Variants in ABL2 observed in about 807,000 individuals in gnomAD.
The protein encoded by ABL2 is tyrosine-protein kinase ABL2.
A neutral mutation model predicts 107.7 loss-of-function variants in ABL2; 49 were observed. That is an observed-to-expected ratio of 0.45 (90% confidence interval 0.36 to 0.58). The LOEUF (loss-of-function observed/expected upper bound fraction) is 0.58. Among genes scored for constraint, ABL2 ranks in the 20% least tolerant of loss-of-function variants. The probability of loss-of-function intolerance (pLI) is 0.00; values close to 1 mark genes in which losing one functional copy is unlikely to be tolerated. For synonymous variants in ABL2, 549 were observed against 548.6 expected (o/e 1.00, Z -0.01); for missense variants, 1,245 against 1,457.0 (o/e 0.85, Z 2.37).
chr1:179,122,528 T>C (rs1258175302), intron 4 of ABL2, among the ~76,000 whole-genome samples: 2 of 152,038 alleles, frequency 1.3e-5, no homozygotes, highest in Non-Finnish European at 2.9e-5. Context: ...CTTCCTAAAT[T>C]AGTCTTGGGA....
chr1:179,186,486 C>T (rs1660693301), intron 1 of ABL2, among the ~76,000 whole-genome samples: 1 of 152,126 alleles, frequency 6.6e-6, no homozygotes, highest in East Asian at 1.9e-4. Flanking sequence ...TCAAGCGATT[C>T]TCCTTCCTCA....
chr1:179,167,534 G>A (rs972427788), intron 1 of ABL2, among the ~76,000 whole-genome samples: 3 of 152,222 alleles, frequency 2.0e-5, no homozygotes, highest in East Asian at 1.9e-4. Flanking sequence ...TAGAAACAAC[G>A]TATTTTACAT....
At chr1:179,157,808 G>C (rs540606303) in intron 1 of ABL2, among the ~76,000 whole-genome samples, 1 of 151,324 alleles carries the variant, frequency 6.6e-6, no homozygotes, top group South Asian at 2.1e-4. Context: ...GGCCTCAAGC[G>C]ATCCTCCTGC....
chr1:179,217,202 G>A (rs969516909), intron 1 of ABL2, among the ~76,000 whole-genome samples: 1 of 151,928 alleles, frequency 6.6e-6, no homozygotes, highest in African/African-American at 2.4e-5. Context: ...GCTGAAGCAG[G>A]AAAATCGCTT....
At position 179,131,234 on chromosome 1, in the gene ABL2, G is replaced by C. The variant is rs28914521; in HGVS notation, c.391+77C>G. The C allele has an allele frequency of 1.4e-3, 2,156 of 1,497,480 alleles. 29 individuals carry two copies. In the African/African-American group the frequency reaches 0.026, roughly 18 times the overall value. 92.8% of individuals were successfully genotyped at this position (1,497,480 alleles called of 1,614,324 possible). A position where few individuals can be genotyped will look rare whatever the true frequency, so the allele number is the denominator to read the frequency against. ...GCTGAGATTATAGGTGTGAGCCACT[G>C]TGCCTGGCCAGGCCCCTTTATCTCT... On this transcript the variant is annotated intron_variant, in intron 3 of 11. Transcript: ENST00000502732.
intron 1 of ABL2, 68 bp downstream of exon 1, chr1:179,229,173 A>AAC: frequency 1.8e-5 from 4 of 223,204 alleles, no homozygotes; most frequent in South Asian, 6.1e-5. Context: ...CCCGTCCGCC[A>AAC]CCCACCCCGC....
intron 1 of ABL2, among the ~76,000 whole-genome samples, chr1:179,217,670 A>C (rs545557110): frequency 2.0e-5 from 3 of 152,164 alleles, no homozygotes; most frequent in South Asian, 4.1e-4. Flanking sequence ...ACTAAGCCTA[A>C]AGATTAAGAC....
Position 179,103,730 on chromosome 1 carries a change from T to C in ABL2, c.*3988A>G. 1 of 228,652 alleles carries C rather than the reference T, an allele frequency of 4.4e-6. No individual in the cohort carries two copies. The highest frequency in any genetic ancestry group is 8.7e-6 in the Non-Finnish European group (1 of 114,862). The allele number at this position is 228,652 out of a possible 1,614,324, so 14.2% of individuals were successfully genotyped here. On this transcript the variant is annotated 3_prime_UTR_variant, in exon 12 of 12. Coordinates refer to ENST00000502732, the MANE Select transcript of ABL2 (RefSeq NM_007314.4). ...TGTGCAGCACCACACAGGCTGATTGTCGGTCTGAGCCACTTTTTTGCAGTG... is the reference window on the plus strand; with the variant it reads ...TGTGCAGCACCACACAGGCTGATTGCCGGTCTGAGCCACTTTTTTGCAGTG...
chr1:179,099,932 C>A lies in ABL2; in HGVS notation c.*7786G>T. ...GCCTGTTCACAGTCAACACACCAAC[C>A]ACGCCACTGCTGTTCATCCAAGGAA... is the stretch of plus-strand genomic sequence containing the variant. On this transcript the variant is annotated 3_prime_UTR_variant, in exon 12 of 12. Transcript: ENST00000502732. 1 of 232,628 alleles carries A rather than the reference C, an allele frequency of 4.3e-6. No individual in the cohort carries two copies. The highest frequency in any genetic ancestry group is 8.5e-6 in the Non-Finnish European group (1 of 117,658). 14.4% of individuals were successfully genotyped at this position (232,628 alleles called of 1,614,324 possible). A position where few individuals can be genotyped will look rare whatever the true frequency, so the allele number is the denominator to read the frequency against.
rs376060111 is a variant in ABL2 at position 179,187,028 on chromosome 1, G to A, written c.157+42213C>T. 4.6e-5 allele frequency among the ~76,000 whole-genome samples: 7 copies of A among 152,236 alleles called. No individual in the cohort carries two copies. The East Asian group carries it at 5.8e-4, about 13-fold the overall frequency. ...ATTACTGTTGTGAGCCACCACGCCC[G>A]GCCCCATTACCATTTATAGTGTACT... On this transcript the variant is annotated intron_variant, in intron 1 of 11. Coordinates refer to ENST00000502732, the MANE Select transcript of ABL2 (RefSeq NM_007314.4).
At chr1:179,209,158 T>C (rs909128883) in intron 1 of ABL2, among the ~76,000 whole-genome samples, 2 of 152,208 alleles carry the variant, frequency 1.3e-5, no homozygotes, top group Admixed American at 6.5e-5. Context: ...CATAGAAGAA[T>C]TATCTCATCT....
intron 1 of ABL2, among the ~76,000 whole-genome samples, chr1:179,143,755 G>C (rs1557952355): frequency 6.6e-6 from 1 of 152,210 alleles, no homozygotes; most frequent in Non-Finnish European, 1.5e-5. Context: ...GGAAGGCAGT[G>C]GCGCGATCTC....
At chr1:179,154,790 T>C (rs1294328766) in intron 1 of ABL2, among the ~76,000 whole-genome samples, 1 of 152,226 alleles carries the variant, frequency 6.6e-6, no homozygotes, top group African/African-American at 2.4e-5. Context: ...ATTATTTGCC[T>C]TCTTATTGAA....
intron 1 of ABL2, among the ~76,000 whole-genome samples, chr1:179,136,900 GAGTGAGAC>G (rs1657080036): frequency 7.2e-6 from 1 of 139,400 alleles, no homozygotes; most frequent in Admixed American, 7.4e-5. Context: ...GGTGACAACA[GAGTGAGAC>G]CCTGTCTCAA....
intron 1 of ABL2, among the ~76,000 whole-genome samples, chr1:179,213,326 G>C (rs1364093908): frequency 6.6e-6 from 1 of 150,978 alleles, no homozygotes; most frequent in Non-Finnish European, 1.5e-5. Context: ...TTTTATTTTT[G>C]TCTTTTTTTT....
chr1:179,192,125 A>G (rs1661060074), intron 1 of ABL2, among the ~76,000 whole-genome samples: 1 of 152,224 alleles, frequency 6.6e-6, no homozygotes, highest in African/African-American at 2.4e-5. Context: ...AGTCACGTAT[A>G]TAGCAGGGAC....
chr1:179,175,139 C>T (rs1271271989), intron 1 of ABL2, among the ~76,000 whole-genome samples: 1 of 152,018 alleles, frequency 6.6e-6, no homozygotes, highest in Non-Finnish European at 1.5e-5. Context: ...TTGCTTCATC[C>T]TCCCAAAGTA....
chr1:179,224,431 T>C (rs1458542420), intron 1 of ABL2, among the ~76,000 whole-genome samples: 2 of 151,860 alleles, frequency 1.3e-5, no homozygotes, highest in African/African-American at 4.8e-5. Context: ...CACACCTGGC[T>C]AATTTTTGTA....
At chr1:179,153,030 GA>G (rs1308345234) in intron 1 of ABL2, among the ~76,000 whole-genome samples, 1 of 151,910 alleles carries the variant, frequency 6.6e-6, no homozygotes, top group East Asian at 1.9e-4. Context: ...CACAAATTCA[GA>G]AGTAATAAAC....
Sources: gnomAD v4.1 joint callset for allele counts (sites outside exome capture counted in the v4.1 genomes callset) on GRCh38, gnomAD v4.1.1 for gene constraint, MANE v1.5 for transcripts, NCBI Gene and HGNC (gene_info 2026-07-23, HGNC 2026-07-21) for gene names.